The following ANGPT2 variants were observed in gnomAD, a reference collection of about 807,000 sequenced individuals.
ANGPT2 encodes angiopoietin-2.
A neutral mutation model predicts 62.9 loss-of-function variants in ANGPT2; 28 were observed. That is an observed-to-expected ratio of 0.44 (90% CI 0.33 to 0.61). The LOEUF (loss-of-function observed/expected upper bound fraction) is 0.61. ANGPT2 is among the 20% of genes least tolerant of loss of function. The pLI is 0.03. For missense variants in ANGPT2, 727 were observed against 594.9 expected (o/e 1.22, Z -2.31); for synonymous variants, 284 against 207.8 (o/e 1.37, Z -3.15).
At chr8:6,545,861 G>C (rs1327164955) in intron 1 of ANGPT2, among the ~76,000 whole-genome samples, 3 of 152,210 alleles carry the variant, frequency 2.0e-5, no homozygotes, top group Admixed American at 2.0e-4. Flanking sequence ...ATTGAATTTA[G>C]TTCTGCTTTG....
intron 8 of ANGPT2, among the ~76,000 whole-genome samples, chr8:6,506,019 A>T (rs932805336): frequency 6.9e-6 from 1 of 145,340 alleles, no homozygotes; most frequent in Non-Finnish European, 1.5e-5. Context: ...ATATGTATAT[A>T]TATAAAAACA....
At position 6,527,565 on chromosome 8, in the gene ANGPT2, C is replaced by A; in HGVS notation, c.556G>T (p.Asp186Tyr). Residue 186 changes from aspartate (D) to tyrosine (Y), a missense_variant, in exon 3 of 9, where the codon GAT becomes TAT. Asp to Tyr is a radical substitution (Grantham distance 160). Transcript: ENST00000629816. ...DQTSEINKLQ[D>Y]KNSFLEKKVL... ...TAGTACTGTTATTACCTGTTCTTAT[C>A]TTGCAATTTGTTTATTTCACTGGTC... The A allele has an allele frequency of 6.2e-7, 1 of 1,613,716 alleles. No homozygotes were observed.
At chr8:6,534,018 C>G (rs1820032592) in intron 1 of ANGPT2, among the ~76,000 whole-genome samples, 1 of 152,074 alleles carries the variant, frequency 6.6e-6, no homozygotes, top group African/African-American at 2.4e-5. Flanking sequence ...GCCATCGACT[C>G]TGCCCCACTT....
intron 4 of ANGPT2, 59 bp downstream of exon 4, chr8:6,521,119 T>G: frequency 7.1e-7 from 1 of 1,403,228 alleles, no homozygotes; most frequent in Non-Finnish European, 9.8e-7. Flanking sequence ...TTTAGTCTTT[T>G]GAGTGTTTTA....
At position 6,506,042 on chromosome 8, in the gene ANGPT2, T is replaced by TAA. The variant is rs1554515243; in HGVS notation, c.1328-2782_1328-2781insTT. Among the ~76,000 whole-genome samples, 26 of 147,210 alleles carry TAA rather than the reference T, an allele frequency of 1.8e-4. 1 individual carries two copies. The highest frequency in any genetic ancestry group is 5.9e-4 in the African/African-American group (24 of 40,368). On this transcript the variant is annotated intron_variant, in intron 8 of 8. Transcript: ENST00000629816. ...ATATATAAAAACATATATATATTCT[T>TAA]TATATATATATATGTTGTGTTTATA...
intron 1 of ANGPT2, among the ~76,000 whole-genome samples, chr8:6,545,469 C>G (rs1822415992): frequency 6.6e-6 from 1 of 152,190 alleles, no homozygotes; most frequent in Non-Finnish European, 1.5e-5. Flanking sequence ...CAGTTTTCAT[C>G]TAGGAGCACC....
intron 3 of ANGPT2, among the ~76,000 whole-genome samples, chr8:6,524,277 T>C (rs1817927768): frequency 6.6e-6 from 1 of 152,234 alleles, no homozygotes; most frequent in African/African-American, 2.4e-5. Context: ...TGTTTCAGAA[T>C]TATTTTCTGT....
chr8:6,540,940 T>C (rs989663543), intron 1 of ANGPT2, among the ~76,000 whole-genome samples: 1 of 152,234 alleles, frequency 6.6e-6, no homozygotes, highest in Admixed American at 6.5e-5. Flanking sequence ...AACATCCACC[T>C]GGGGCAAGAA....
Position 6,521,088 on chromosome 8 carries a change from T to G in ANGPT2, c.799+90A>C, listed in dbSNP as rs1016700020. 3.7e-5 allele frequency: 37 copies of G among 994,664 alleles called. 1 individual carries two copies. In the African/African-American group the frequency reaches 5.4e-4, roughly 14 times the overall value. 61.6% of individuals were successfully genotyped at this position (994,664 alleles called of 1,614,324 possible). On this transcript the variant is annotated intron_variant, in intron 4 of 8. Transcript: ENST00000629816. ...TATGAAATATATGAGAAATAGCGCC[T>G]TTTCTGAAAGGTGAGAATTTTTTAG...
intron 7 of ANGPT2, among the ~76,000 whole-genome samples, chr8:6,511,673 A>G (rs965305509): frequency 2.6e-5 from 4 of 152,176 alleles, no homozygotes; most frequent in African/African-American, 9.7e-5. Context: ...TAGGATAATA[A>G]TTTTCGATGT....
chr8:6,524,035 G>T (rs1817877650), intron 3 of ANGPT2, among the ~76,000 whole-genome samples: 1 of 152,096 alleles, frequency 6.6e-6, no homozygotes, highest in African/African-American at 2.4e-5. Flanking sequence ...TTTGTACAAG[G>T]CCAGTAAATA....
At chr8:6,561,812 G>A (rs1167696363) in intron 1 of ANGPT2, among the ~76,000 whole-genome samples, 1 of 152,122 alleles carries the variant, frequency 6.6e-6, no homozygotes, top group Non-Finnish European at 1.5e-5. Context: ...GAAAAACAGA[G>A]CTTTCAATAT....
At chr8:6,504,497 A>G (rs1278617166) in intron 8 of ANGPT2, among the ~76,000 whole-genome samples, 2 of 152,074 alleles carry the variant, frequency 1.3e-5, no homozygotes, top group Non-Finnish European at 2.9e-5. Flanking sequence ...CTTGGTTATT[A>G]GATCGATTGT....
chr8:6,538,577 G>A (rs116001492), intron 1 of ANGPT2, among the ~76,000 whole-genome samples: 75 of 152,220 alleles, frequency 4.9e-4, no homozygotes, highest in South Asian at 2.3e-3. Flanking sequence ...GCTGCCCAGC[G>A]GCCTCATACC....
chr8:6,539,597 T>C (rs1219263269), intron 1 of ANGPT2, among the ~76,000 whole-genome samples: 1 of 151,646 alleles, frequency 6.6e-6, no homozygotes, highest in Non-Finnish European at 1.5e-5. Context: ...TTTTATTGTC[T>C]TTTTTTTGAG....
intron 2 of ANGPT2, among the ~76,000 whole-genome samples, chr8:6,528,318 T>A (rs2515464): frequency 6.6e-6 from 1 of 152,066 alleles, no homozygotes; most frequent in Non-Finnish European, 1.5e-5. Flanking sequence ...AGTAGGAGTA[T>A]AAAATGGTCA....
intron 7 of ANGPT2, among the ~76,000 whole-genome samples, chr8:6,510,263 G>A (rs958604611): frequency 6.6e-6 from 1 of 152,014 alleles, no homozygotes; most frequent in Non-Finnish European, 1.5e-5. Flanking sequence ...CACGTAATGG[G>A]GTATGCCATG....
intron 6 of ANGPT2, among the ~76,000 whole-genome samples, chr8:6,514,079 A>T (rs973102853): frequency 6.6e-6 from 1 of 152,190 alleles, no homozygotes; most frequent in South Asian, 2.1e-4. Flanking sequence ...CTACTTGGGG[A>T]GCCACCAGCA....
At chr8:6,508,903 C>G in intron 8 of ANGPT2, 29 bp downstream of exon 8, 1 of 1,613,866 alleles carries the variant, frequency 6.2e-7, no homozygotes, top group Non-Finnish European at 8.5e-7. Flanking sequence ...CTTGCCAATA[C>G]AAATAGGAAG....
Sources: gnomAD v4.1 joint callset for allele counts (sites outside exome capture counted in the v4.1 genomes callset) on GRCh38, gnomAD v4.1.1 for gene constraint, MANE v1.5 for transcripts, NCBI Gene and HGNC (gene_info 2026-07-23, HGNC 2026-07-21) for gene names.